UBE2V2: variants seen among roughly 807,000 people sequenced by gnomAD.
The protein encoded by UBE2V2 is ubiquitin-conjugating enzyme E2 variant 2.
Under a neutral mutation model 17.2 loss-of-function variants are expected in UBE2V2, and 9 were observed. The observed-to-expected ratio is 0.52, with a 90% CI of 0.32 to 0.91. The LOEUF is 0.91. UBE2V2 is among the 40% of genes least tolerant of loss of function. The pLI is 0.04. For missense variants in UBE2V2, 133 were observed against 182.6 expected, an observed-to-expected ratio of 0.73 and a Z score of 1.56; for synonymous variants, 61 against 57.5, an observed-to-expected ratio of 1.06 and a Z score of -0.28.
chr8:48,008,499 TTCC>T, intron 1 of UBE2V2, 29 bp downstream of exon 1: 1 of 1,564,660 alleles, frequency 6.4e-7, no homozygotes, highest in South Asian at 1.2e-5. Context: ...CTGCGTGATT[TTCC>T]GCTCCGACCC....
intron 1 of UBE2V2, among the ~76,000 whole-genome samples, chr8:48,030,394 T>A (rs769586355): frequency 6.6e-6 from 1 of 152,170 alleles, no homozygotes; most frequent in African/African-American, 2.4e-5. Flanking sequence ...TGTCAGAGAT[T>A]TAATAATGAG....
chr8:48,036,732 C>T (rs753304382), intron 1 of UBE2V2, among the ~76,000 whole-genome samples: 12 of 151,664 alleles, frequency 7.9e-5, no homozygotes, highest in Non-Finnish European at 1.3e-4. Context: ...ACTGCCTGGC[C>T]GACTCAAAAA....
In UBE2V2 at chr8:48,060,590, T is replaced by G. The variant is rs202186470; in HGVS notation, c.292-92T>G. 3.2e-4 allele frequency: 394 copies of G among 1,246,412 alleles called. 2 individuals carry two copies. The East Asian group carries it at 0.011, about 34-fold the overall frequency. 77.2% of individuals were successfully genotyped at this position (1,246,412 alleles called of 1,614,324 possible). On this transcript the variant is annotated intron_variant, in intron 3 of 3. Coordinates refer to ENST00000523111, the MANE Select transcript of UBE2V2 (RefSeq NM_003350.3). ...TGAAAATAGAGGCAAGCTATGAATT[T>G]TCAAAATCATTCTTATTAAAATATG...
intron 3 of UBE2V2, among the ~76,000 whole-genome samples, chr8:48,058,970 G>C (rs1404331601): frequency 6.6e-6 from 1 of 151,910 alleles, no homozygotes; most frequent in African/African-American, 2.4e-5. Context: ...GCAGTGTCAC[G>C]ATCTCAGCTC....
upstream of UBE2V2, among the ~76,000 whole-genome samples, chr8:48,007,117 T>C (rs1276502168): frequency 2.6e-5 from 4 of 151,930 alleles, no homozygotes; most frequent in African/African-American, 9.7e-5. Flanking sequence ...CTTGATCTTC[T>C]GACCTCGTGA....
chr8:48,000,718 A>T, the UBE2V2 span, among the ~76,000 whole-genome samples: 1 of 147,080 alleles, frequency 6.8e-6, no homozygotes, highest in Non-Finnish European at 1.5e-5. Context: ...GCTACTTGGG[A>T]GGCTGAGGCA....
intron 1 of UBE2V2, among the ~76,000 whole-genome samples, chr8:48,018,185 C>G (rs917820158): frequency 2.0e-5 from 3 of 152,072 alleles, no homozygotes; most frequent in Non-Finnish European, 4.4e-5. Context: ...ACTGGAAGTC[C>G]TAGAAAGAGC....
chr8:48,049,893 GT>G lies in UBE2V2; in HGVS notation c.207del (p.Cys69TrpfsTer15), dbSNP rs769916326. 1 of 1,591,868 alleles carries G rather than the reference GT, an allele frequency of 6.3e-7. No homozygotes were observed. Among genetic ancestry groups the G allele is most frequent in the South Asian group, 1.2e-5 (1 of 86,328 alleles). On this transcript the variant is annotated frameshift_variant, in exon 3 of 4. Transcript: ENST00000523111. LOFTEE classifies it high-confidence loss of function. Reference protein sequence around the residue: ...ENRIYSLKVECGPKYPEAPPS... With the variant: ...ENRIYSLKVEXGPKYPEAPPS... ...AGAATATATAGCCTGAAAGTAGAAT[GT>G]GGACCTAAATACCCAGAAGCTCCTC...
intron 1 of UBE2V2, among the ~76,000 whole-genome samples, chr8:48,013,266 C>T (rs1289261414): frequency 6.6e-6 from 1 of 151,562 alleles, no homozygotes; most frequent in Non-Finnish European, 1.5e-5. Context: ...CTTTTGCTGT[C>T]CTAGGACTTC....
the UBE2V2 span, among the ~76,000 whole-genome samples, chr8:48,001,825 C>T: frequency 6.6e-6 from 1 of 152,232 alleles, no homozygotes; most frequent in African/African-American, 2.4e-5. Context: ...CACAGTGGCT[C>T]ATGCCTGTAA....
At chr8:48,010,524 C>G (rs2091221285) in intron 1 of UBE2V2, among the ~76,000 whole-genome samples, 1 of 151,340 alleles carries the variant, frequency 6.6e-6, no homozygotes, top group Non-Finnish European at 1.5e-5. Context: ...GCCTCAGTCT[C>G]CTGAGTAGCT....
chr8:48,042,861 T>C (rs2091473069), intron 1 of UBE2V2, 172 bp from the exon 2 acceptor site: 3 of 529,258 alleles, frequency 5.7e-6, no homozygotes, highest in Non-Finnish European at 9.0e-6. Flanking sequence ...AGTGTTTTCA[T>C]TTTGAGGGGT....
At chr8:48,017,403 C>T (rs372394272) in intron 1 of UBE2V2, among the ~76,000 whole-genome samples, 5 of 144,162 alleles carry the variant, frequency 3.5e-5, no homozygotes, top group African/African-American at 7.7e-5. Flanking sequence ...GGTGGAGTTT[C>T]GCTCTTGTTG....
chr8:48,030,593 C>T (rs1312618080), intron 1 of UBE2V2, among the ~76,000 whole-genome samples: 5 of 152,074 alleles, frequency 3.3e-5, no homozygotes, highest in South Asian at 2.1e-4. Context: ...TAGTGGCATG[C>T]GCCAGTGGTG....
chr8:48,056,805 C>T (rs1178786036), intron 3 of UBE2V2, among the ~76,000 whole-genome samples: 4 of 152,168 alleles, frequency 2.6e-5, no homozygotes, highest in Admixed American at 2.0e-4. Context: ...CTCACTGGAA[C>T]CTCCACCTCC....
chr8:48,023,031 T>C (rs1472967924), intron 1 of UBE2V2, among the ~76,000 whole-genome samples: 1 of 152,072 alleles, frequency 6.6e-6, no homozygotes, highest in Non-Finnish European at 1.5e-5. Context: ...TTATATGTTA[T>C]TTGCTTCTTT....
At chr8:48,041,795 T>C (rs1275028630) in intron 1 of UBE2V2, 1 of 151,804 alleles carries the variant, frequency 6.6e-6, no homozygotes, top group Non-Finnish European at 1.5e-5. Context: ...GTAAACACTC[T>C]TCTTTTTTTT....
Position 48,043,148 on chromosome 8 carries a change from A to C in UBE2V2, c.132A>C (p.Thr44=), listed in dbSNP as rs1287945198. Residue 44 remains threonine, a synonymous_variant, in exon 2 of 4, where the codon ACA becomes ACC. Transcript: ENST00000523111. ...GLEDDEDMTL[T]RWTGMIIGPP... Reference sequence around the variant, plus strand: ...AAGATGATGAAGATATGACACTTACAAGGTGGACAGGCATGATTATTGGGC... The same window carrying C: ...AAGATGATGAAGATATGACACTTACCAGGTGGACAGGCATGATTATTGGGC... 1 of 1,582,436 alleles carries C rather than the reference A, an allele frequency of 6.3e-7. No homozygotes were observed. The highest frequency in any genetic ancestry group is 8.6e-7 in the Non-Finnish European group (1 of 1,161,752).
At chr8:48,010,931 A>G (rs1449235040) in intron 1 of UBE2V2, among the ~76,000 whole-genome samples, 1 of 132,224 alleles carries the variant, frequency 7.6e-6, no homozygotes, top group African/African-American at 2.9e-5. Flanking sequence ...GGTTTTCATC[A>G]TGTTGTCCAG....
Sources: gnomAD v4.1 joint callset for allele counts (sites outside exome capture counted in the v4.1 genomes callset) on GRCh38, gnomAD v4.1.1 for gene constraint, MANE v1.5 for transcripts, NCBI Gene and HGNC (gene_info 2026-07-23, HGNC 2026-07-21) for gene names.